Variants in NRAS observed in about 807,000 individuals in gnomAD.
NRAS encodes NRAS proto-oncogene, GTPase, also known as GTPase NRas.
A neutral mutation model predicts 21.3 loss-of-function variants in NRAS; 6 were observed. That is an observed-to-expected ratio of 0.28 (90% CI 0.15 to 0.56). The LOEUF is 0.56. Among genes scored for constraint, NRAS ranks in the 20% least tolerant of loss-of-function variants. The pLI, the probability that NRAS is intolerant of heterozygous loss-of-function variation, is 0.93. For missense variants in NRAS, 143 were observed against 231.3 expected (o/e 0.62, Z 2.48); for synonymous variants, 84 against 82.0 (o/e 1.02, Z -0.13).
At chr1:114,713,140 T>G (rs1012776197) in intron 3 of NRAS, among the ~76,000 whole-genome samples, 1 of 152,178 alleles carries the variant, frequency 6.6e-6, no homozygotes, top group Non-Finnish European at 1.5e-5. Context: ...TTTGTTTTCA[T>G]CTTTATGGAC....
In NRAS at chr1:114,704,636, T is replaced by G. The variant is rs1570866973; in HGVS notation, c.*3458A>C. On this transcript the variant is annotated 3_prime_UTR_variant, in exon 7 of 7. Transcript: ENST00000369535. ...GCCAAGGAGGCCAATAGTTCCTGTT[T>G]AAACAGCAGAATTGCACAATTATTT... 6.6e-6 allele frequency: 1 copy of G among 152,350 alleles called. No homozygotes were observed. Among genetic ancestry groups the G allele is most frequent in the East Asian group, 1.9e-4 (1 of 5,186 alleles). The allele number at this position is 152,350 out of a possible 1,614,324, so 9.4% of individuals were successfully genotyped here.
At chr1:114,714,470 T>A (rs1659113348) in intron 2 of NRAS, among the ~76,000 whole-genome samples, 1 of 152,198 alleles carries the variant, frequency 6.6e-6, no homozygotes, top group African/African-American at 2.4e-5. Flanking sequence ...TTTTTTTTTA[T>A]CATGACAGAT....
At chr1:114,712,815 ATAGGT>A (rs1229068985) in intron 3 of NRAS, among the ~76,000 whole-genome samples, 1 of 152,232 alleles carries the variant, frequency 6.6e-6, no homozygotes, top group African/African-American at 2.4e-5. Context: ...TTTCCATATT[ATAGGT>A]TAGGAAAGCC....
Position 114,706,215 on chromosome 1 carries a change from T to C in NRAS, c.*1879A>G, listed in dbSNP as rs974447111. 3 of 152,210 alleles carry C rather than the reference T, an allele frequency of 2.0e-5. No individual in the cohort carries two copies. Among genetic ancestry groups the C allele is most frequent in the Admixed American group, 6.5e-5 (1 of 15,288 alleles). The allele number at this position is 152,210 out of a possible 1,614,324, so 9.4% of individuals were successfully genotyped here. ...TTCTCTTCTGAATTTCAAGGTAATA[T>C]GACATTTGCTTAATAAATGAAAATT... On this transcript the variant is annotated 3_prime_UTR_variant, in exon 7 of 7. Transcript: ENST00000369535.
intron 4 of NRAS, among the ~76,000 whole-genome samples, chr1:114,709,195 G>T (rs1404538899): frequency 6.6e-6 from 1 of 152,192 alleles, no homozygotes; most frequent in Non-Finnish European, 1.5e-5. Flanking sequence ...CCAGCACTCT[G>T]GGAGGCCCAG....
chr1:114,716,038 A>G lies in NRAS; in HGVS notation c.111+12T>C. 1 of 1,495,424 alleles carries G rather than the reference A, an allele frequency of 6.7e-7. No homozygotes were observed. Among genetic ancestry groups the G allele is most frequent in the East Asian group, 2.3e-5 (1 of 44,396 alleles). 92.6% of individuals were successfully genotyped at this position (1,495,424 alleles called of 1,614,324 possible). ...GACAGGATCAGGTCAGCGGGCTACC[A>G]CTGGGCCTCACCTCTATGGTGGGAT... On this transcript the variant is annotated intron_variant, in intron 2 of 6. Transcript: ENST00000369535.
chr1:114,712,190 C>T (rs546703610), intron 3 of NRAS, among the ~76,000 whole-genome samples: 1 of 152,294 alleles, frequency 6.6e-6, no homozygotes, highest in African/African-American at 2.4e-5. Context: ...CTAGTCCGAG[C>T]AACTTAACGG....
chr1:114,705,278 A>G lies in NRAS; in HGVS notation c.*2816T>C, dbSNP rs370262800. 20 of 152,338 alleles carry G rather than the reference A, an allele frequency of 1.3e-4. No individual in the cohort carries two copies. In the East Asian group the frequency reaches 2.7e-3, roughly 21 times the overall value. 9.4% of individuals were successfully genotyped at this position (152,338 alleles called of 1,614,324 possible). On this transcript the variant is annotated 3_prime_UTR_variant, in exon 7 of 7. Transcript: ENST00000369535. Reference sequence around the variant, plus strand: ...TTTACCTATTACACTCCTATAGTAAAAATTGTAATAAGTATGATATTGTAT... The same window carrying G: ...TTTACCTATTACACTCCTATAGTAAGAATTGTAATAAGTATGATATTGTAT...
In NRAS at chr1:114,716,134, A is replaced by C. The variant is rs1557983616; in HGVS notation, c.27T>G (p.Val9=). The change falls in exon 2 of 7, where the codon GTT becomes GTG. Residue 9 remains valine (V), a synonymous_variant. Coordinates refer to ENST00000369535, the MANE Select transcript of NRAS (RefSeq NM_002524.5). ...CGCTTTTCCCAACACCACCTGCTCC[A>C]ACCACCACCAGTTTGTACTCAGTCA... MTEYKLVV[V]GAGGVGKSAL... The C allele has an allele frequency of 6.2e-7, 1 of 1,613,872 alleles. No individual in the cohort carries two copies. Among genetic ancestry groups the C allele is most frequent in the South Asian group, 1.1e-5 (1 of 91,074 alleles).
At position 114,708,673 on chromosome 1, in the gene NRAS, A is replaced by C. The variant is rs781140425; in HGVS notation, c.451-19T>G. The stretch of plus-strand genomic sequence containing the variant: ...CAACACCCTATAAAAGGAAAAAATG[A>C]AAAAAAATGAGAGAGCTAGCTCAAC... On this transcript the variant is annotated intron_variant, in intron 4 of 6. Coordinates refer to ENST00000369535, the MANE Select transcript of NRAS (RefSeq NM_002524.5). 1 of 1,606,502 alleles carries C rather than the reference A, an allele frequency of 6.2e-7. No individual in the cohort carries two copies. The highest frequency in any genetic ancestry group is 1.1e-5 in the South Asian group (1 of 90,884).
rs1482529842 is a variant in NRAS at position 114,716,057 on chromosome 1, G to A, written c.104C>T (p.Thr35Ile). Reference protein sequence around the residue: ...QNHFVDEYDPTIEDSYRKQVV... With the variant: ...QNHFVDEYDPIIEDSYRKQVV... ...GCTACCACTGGGCCTCACCTCTATG[G>A]TGGGATCATATTCATCTACAAAGTG... Residue 35 changes from threonine to isoleucine, a missense_variant, in exon 2 of 7, where the codon ACC (threonine) becomes ATC (isoleucine). Thr to Ile is a moderately conservative substitution (Grantham distance 89). Transcript: ENST00000369535. The A allele has an allele frequency of 6.2e-7, 1 of 1,604,774 alleles. No individual in the cohort carries two copies.
rs1658925367 is a variant in NRAS, at chr1:114,706,625, A to C, written c.*1469T>G. 6.6e-6 allele frequency: 1 copy of C among 152,236 alleles called. No homozygotes were observed. Among genetic ancestry groups the C allele is most frequent in the African/African-American group, 2.4e-5 (1 of 41,458 alleles). The allele number at this position is 152,236 out of a possible 1,614,324, so 9.4% of individuals were successfully genotyped here. On this transcript the variant is annotated 3_prime_UTR_variant, in exon 7 of 7. Transcript: ENST00000369535. ...GTTTCTACATGGCTAAAAGAAAAAA[A>C]AATGTTTAAATACGTGATACTGAGT...
intron 2 of NRAS, 34 bp downstream of exon 2, chr1:114,716,016 A>G (rs368876641): frequency 1.2e-5 from 15 of 1,215,404 alleles, no homozygotes; most frequent in Middle Eastern, 1.9e-4. Flanking sequence ...AGTGAGAGAC[A>G]GGATCAGGTC....
In NRAS at chr1:114,707,538, T is replaced by C. The variant is rs1050571142; in HGVS notation, c.*556A>G. 6 of 152,636 alleles carry C rather than the reference T, an allele frequency of 3.9e-5. No homozygotes were observed. The highest frequency in any genetic ancestry group is 1.2e-4 in the African/African-American group (5 of 41,444). The allele number at this position is 152,636 out of a possible 1,614,324, so 9.5% of individuals were successfully genotyped here. Reference sequence around the variant, plus strand: ...AATTCAGTATTCATTTTTGTATTTATGAATCTAGAGCAGATGCCAGTTTAG... The same window carrying C: ...AATTCAGTATTCATTTTTGTATTTACGAATCTAGAGCAGATGCCAGTTTAG... On this transcript the variant is annotated 3_prime_UTR_variant, in exon 7 of 7. Coordinates refer to ENST00000369535, the MANE Select transcript of NRAS (RefSeq NM_002524.5).
intron 2 of NRAS, among the ~76,000 whole-genome samples, chr1:114,714,452 GAGA>G (rs1432489323): frequency 6.6e-6 from 1 of 152,154 alleles, no homozygotes; most frequent in Non-Finnish European, 1.5e-5. Context: ...CTTTGTTTCA[GAGA>G]AGGTTTTTTT....
chr1:114,709,199 G>C (rs9724639), intron 4 of NRAS, among the ~76,000 whole-genome samples: 4 of 152,290 alleles, frequency 2.6e-5, no homozygotes, highest in African/African-American at 9.6e-5. Context: ...CACTCTGGGA[G>C]GCCCAGGTGG....
chr1:114,709,474 G>T, intron 4 of NRAS, 95 bp downstream of exon 4: 1 of 1,013,142 alleles, frequency 9.9e-7, no homozygotes, highest in Non-Finnish European at 1.5e-6. Context: ...TGAAAAAAAT[G>T]CATAACAACA....
At chr1:114,709,819 G>A in intron 3 of NRAS, 91 bp from the exon 4 acceptor site, 1 of 1,026,956 alleles carries the variant, frequency 9.7e-7, no homozygotes. Context: ...ACTTTGGGAG[G>A]CTGAGGAGGG....
chr1:114,708,521 A>G lies in NRAS; in HGVS notation c.*4+10T>C, dbSNP rs1658965537. Reference sequence around the variant, plus strand: ...AGATTTGTAATTATGCCAAGAAACCATATGCTCACCTTGTTACATCACCAC... The same window carrying G: ...AGATTTGTAATTATGCCAAGAAACCGTATGCTCACCTTGTTACATCACCAC... On this transcript the variant is annotated intron_variant, in intron 5 of 6. Transcript: ENST00000369535. The G allele has an allele frequency of 1.9e-6, 3 of 1,613,248 alleles. No homozygotes were observed. The highest frequency in any genetic ancestry group is 2.7e-5 in the African/African-American group (2 of 74,912).
Sources: gnomAD v4.1 joint callset for allele counts (sites outside exome capture counted in the v4.1 genomes callset) on GRCh38, gnomAD v4.1.1 for gene constraint, MANE v1.5 for transcripts, NCBI Gene and HGNC (gene_info 2026-07-23, HGNC 2026-07-21) for gene names.